SERPINA6: variants seen among roughly 807,000 people sequenced by gnomAD.
SERPINA6 encodes the protein corticosteroid-binding globulin.
SERPINA6 carries 19 observed loss-of-function variants against 26.4 expected under a neutral mutation model. The ratio of observed to expected loss-of-function variants is 0.72; its 90% CI spans 0.50 to 1.06. SERPINA6 has a LOEUF of 1.06. SERPINA6 is among the 50% of genes least tolerant of loss of function. The pLI, the probability that SERPINA6 is intolerant of heterozygous loss-of-function variation, is 0.00. For synonymous variants in SERPINA6, 196 were observed against 199.4 expected (o/e 0.98, Z 0.14); for missense variants, 473 against 504.0 (o/e 0.94, Z 0.59).
At position 94,304,416 on chromosome 14, in the gene SERPINA6, T is replaced by C; in HGVS notation, c.*2A>G. The C allele has an allele frequency of 6.2e-7, 1 of 1,614,066 alleles. No homozygotes were observed. Among genetic ancestry groups the C allele is most frequent in the Non-Finnish European group, 8.5e-7 (1 of 1,179,926 alleles). ...GTGCTGAGGCTCTGGGTGGGTGGTC[T>C]CTTACACTGGGTTCATAACCCTCGC... On this transcript the variant is annotated 3_prime_UTR_variant, in exon 5 of 5. Coordinates refer to ENST00000341584, the MANE Select transcript of SERPINA6 (RefSeq NM_001756.4).
chr14:94,314,591 C>T lies in SERPINA6; in HGVS notation c.58G>A (p.Val20Ile), dbSNP rs139446936. Residue 20 changes from valine (V) to isoleucine (I), a missense_variant, in exon 2 of 5, where the codon GTC becomes ATC. Physicochemically the swap from Val to Ile is conservative, Grantham distance 29. Transcript: ENST00000341584. The part of the protein sequence containing the change: ...LWLPTSGLWT[V>I]QAMDPNAAYV... ...GCAGCGTTAGGATCCATGGCCTGGA[C>T]GGTCCAGAGGCCGCTGGTGGGCAGC... is the stretch of plus-strand genomic sequence containing the variant. 143 of 1,614,154 alleles carry T rather than the reference C, an allele frequency of 8.9e-5. No individual in the cohort carries two copies. The African/African-American group carries it at 1.1e-3, about 12-fold the overall frequency.
rs768150666 is a variant in SERPINA6 at position 94,314,534 on chromosome 14, G to C, written c.115C>G (p.Leu39Val). 6.2e-7 allele frequency: 1 copy of C among 1,614,222 alleles called. No homozygotes were observed. Among genetic ancestry groups the C allele is most frequent in the Non-Finnish European group, 8.5e-7 (1 of 1,180,044 alleles). ...GCAAAGTCAACGTTGGCTGAAGCCA[G>C]GCCCCGGTGATGGTTACTCATGTTC... is the stretch of plus-strand genomic sequence containing the variant. ...YVNMSNHHRG[L>V]ASANVDFAFS... The change falls in exon 2 of 5, where the codon CTG (leucine) becomes GTG (valine). Residue 39 changes from leucine to valine, a missense_variant. Transcript: ENST00000341584.
At chr14:94,311,958 AAAAT>A (rs770141716) in intron 2 of SERPINA6, among the ~76,000 whole-genome samples, 278 of 152,212 alleles carry the variant, frequency 1.8e-3, no homozygotes, top group Middle Eastern at 0.01. Context: ...AAAAAAAATA[AAAAT>A]AAATAAATAA....
At chr14:94,310,657 G>T (rs72704352) in intron 2 of SERPINA6, among the ~76,000 whole-genome samples, 5 of 152,036 alleles carry the variant, frequency 3.3e-5, no homozygotes, top group African/African-American at 9.7e-5. Context: ...GGCGGTACTC[G>T]TCAGCTCTGA....
At chr14:94,318,330 T>C (rs1382564926) in intron 1 of SERPINA6, among the ~76,000 whole-genome samples, 2 of 152,192 alleles carry the variant, frequency 1.3e-5, no homozygotes, top group African/African-American at 2.4e-5. Context: ...TATCCTAAAA[T>C]TTATATAAAA....
intron 2 of SERPINA6, among the ~76,000 whole-genome samples, chr14:94,312,272 G>C (rs1895542534): frequency 6.6e-6 from 1 of 152,188 alleles, no homozygotes. Context: ...AGGACACTGT[G>C]AAACCTCGTA....
intron 1 of SERPINA6, among the ~76,000 whole-genome samples, chr14:94,319,424 C>A (rs532891179): frequency 6.6e-6 from 1 of 152,136 alleles, no homozygotes; most frequent in African/African-American, 2.4e-5. Flanking sequence ...AACAAATTGT[C>A]ATTTGACCCA....
rs1386595475 is a variant in SERPINA6 at position 94,318,547 on chromosome 14, G to A, written c.-19-3880C>T. Among the ~76,000 whole-genome samples the A allele has an allele frequency of 2.0e-5, 3 of 152,154 alleles. No homozygotes were observed. In the East Asian group the frequency reaches 5.8e-4, roughly 29 times the overall value. Reference sequence around the variant, plus strand: ...GTAGTAAAATGATTTTGACAAGGATGCCAGACCATTCAATGGGGAAAAGAC... The same window carrying A: ...GTAGTAAAATGATTTTGACAAGGATACCAGACCATTCAATGGGGAAAAGAC... On this transcript the variant is annotated intron_variant, in intron 1 of 4. Transcript: ENST00000341584.
intron 2 of SERPINA6, 66 bp from the exon 3 acceptor site, chr14:94,310,072 G>T: frequency 6.6e-7 from 1 of 1,525,438 alleles, no homozygotes; most frequent in Non-Finnish European, 9.0e-7. Flanking sequence ...GATCTCACGG[G>T]CCTACTATCC....
chr14:94,321,407 C>T (rs1430537857), intron 1 of SERPINA6, among the ~76,000 whole-genome samples: 1 of 152,192 alleles, frequency 6.6e-6, no homozygotes, highest in Non-Finnish European at 1.5e-5. Context: ...AGTTCTGCCT[C>T]CAGCCTCAAA....
chr14:94,311,916 C>T (rs1194151782), intron 2 of SERPINA6, among the ~76,000 whole-genome samples: 1 of 152,014 alleles, frequency 6.6e-6, no homozygotes, highest in African/African-American at 2.4e-5. Flanking sequence ...CCACTGCACT[C>T]CAGCCTGGGC....
chr14:94,305,971 A>T, intron 4 of SERPINA6, 100 bp downstream of exon 4: 1 of 1,386,482 alleles, frequency 7.2e-7, no homozygotes, highest in Non-Finnish European at 1.0e-6. Context: ...CCAGGGACCT[A>T]GAGGCTCATT....
At position 94,314,536 on chromosome 14, in the gene SERPINA6, C is replaced by A. The variant is rs761204701; in HGVS notation, c.113G>T (p.Gly38Val). The A allele has an allele frequency of 1.9e-6, 3 of 1,614,096 alleles. No individual in the cohort carries two copies. The highest frequency in any genetic ancestry group is 1.7e-6 in the Non-Finnish European group (2 of 1,180,054). ...AAAGTCAACGTTGGCTGAAGCCAGG[C>A]CCCGGTGATGGTTACTCATGTTCAC... The part of the protein sequence containing the change: ...AYVNMSNHHR[G>V]LASANVDFAF... The change falls in exon 2 of 5, where the codon GGC (glycine) becomes GTC (valine). Residue 38 changes from glycine to valine, a missense_variant. By Grantham distance (109) the Gly-to-Val change is moderately radical. Transcript: ENST00000341584.
At chr14:94,312,434 C>T (rs901368710) in intron 2 of SERPINA6, among the ~76,000 whole-genome samples, 3 of 151,784 alleles carry the variant, frequency 2.0e-5, no homozygotes, top group Admixed American at 2.0e-4. Flanking sequence ...GCAACCACTG[C>T]TGAGCTTGTT....
chr14:94,307,941 C>T (rs1595572717), intron 3 of SERPINA6, among the ~76,000 whole-genome samples: 1 of 152,234 alleles, frequency 6.6e-6, no homozygotes, highest in African/African-American at 2.4e-5. Context: ...CAATCTGAAA[C>T]CATAAACCAC....
At position 94,314,430 on chromosome 14, in the gene SERPINA6, G is replaced by A. The variant is rs1318239315; in HGVS notation, c.219C>T (p.Ala73=). 1 of 1,614,190 alleles carries A rather than the reference G, an allele frequency of 6.2e-7. No individual in the cohort carries two copies. Among genetic ancestry groups the A allele is most frequent in the South Asian group, 1.1e-5 (1 of 91,084 alleles). Residue 73 remains alanine (A), a synonymous_variant, in exon 2 of 5, where the codon GCC becomes GCT. Transcript: ENST00000341584. ...AGGTGCCCAGGGACAGCATAGCTAA[G>A]GCCATGGAGATGCTCACAGGGGAGA... is the stretch of plus-strand genomic sequence containing the variant. The part of the protein sequence containing the change: ...IFISPVSISM[A]LAMLSLGTCG...
rs1448412973 is a variant in SERPINA6, at chr14:94,314,640, G to A, written c.9C>T (p.Leu3=). 1 of 1,613,390 alleles carries A rather than the reference G, an allele frequency of 6.2e-7. No homozygotes were observed. The highest frequency in any genetic ancestry group is 8.5e-7 in the Non-Finnish European group (1 of 1,180,018). MP[L]LLYTCLLWLP... ...GCCAGAGAAGACAGGTGTACAGGAG[G>A]AGTGGCATTGTCCAGTATAGCCAGG... The change falls in exon 2 of 5, where the codon CTC becomes CTT. Residue 3 remains leucine (L), a synonymous_variant. Coordinates refer to ENST00000341584, the MANE Select transcript of SERPINA6 (RefSeq NM_001756.4).
chr14:94,314,681 A>G lies in SERPINA6; in HGVS notation c.-19-14T>C, dbSNP rs1326109318. 1.9e-6 allele frequency: 3 copies of G among 1,607,182 alleles called. No individual in the cohort carries two copies. The highest frequency in any genetic ancestry group is 1.3e-5 in the African/African-American group (1 of 74,906). ...TATAGCCAGGCCCTGCCAAATCAGA[A>G]AAGCTTGTTAGATGCTGTGGCAGTC... On this transcript the variant is annotated splice_polypyrimidine_tract_variant and intron_variant, in intron 1 of 4. Transcript: ENST00000341584.
intron 1 of SERPINA6, among the ~76,000 whole-genome samples, chr14:94,317,883 A>G (rs1895633646): frequency 6.6e-6 from 1 of 152,248 alleles, no homozygotes; most frequent in South Asian, 2.1e-4. Context: ...AAAGGTATCC[A>G]TATTTGAAAA....
Sources: gnomAD v4.1 joint callset for allele counts (sites outside exome capture counted in the v4.1 genomes callset) on GRCh38, gnomAD v4.1.1 for gene constraint, MANE v1.5 for transcripts, NCBI Gene and HGNC (gene_info 2026-07-23, HGNC 2026-07-21) for gene names.